Variants in MPPED2 observed in about 807,000 individuals in gnomAD.
MPPED2 encodes the protein metallophosphoesterase MPPED2.
Under a neutral mutation model 33.0 loss-of-function variants are expected in MPPED2, and 5 were observed. The ratio of observed to expected loss-of-function variants is 0.15; its 90% confidence interval spans 0.08 to 0.32. The LOEUF (loss-of-function observed/expected upper bound fraction) is 0.32. MPPED2 is among the 10% of genes least tolerant of loss of function. The pLI, the probability that MPPED2 is intolerant of heterozygous loss-of-function variation, is 1.00. For missense variants in MPPED2, 275 were observed against 372.1 expected (o/e 0.74, Z 2.15); for synonymous variants, 136 against 141.9 (o/e 0.96, Z 0.29).
intron 2 of MPPED2, among the ~76,000 whole-genome samples, chr11:30,547,513 A>G (rs150643131): frequency 6.2e-4 from 94 of 152,352 alleles, no homozygotes; most frequent in African/African-American, 2.0e-3. Context: ...CTTAAGGTCA[A>G]ACATTAAGCT....
intron 2 of MPPED2, among the ~76,000 whole-genome samples, chr11:30,552,784 C>G (rs1003008309): frequency 6.6e-6 from 1 of 152,130 alleles, no homozygotes; most frequent in Admixed American, 6.5e-5. Flanking sequence ...CTGTCAGGCC[C>G]AGACAAGATT....
intron 3 of MPPED2, 121 bp from the exon 4 acceptor site, chr11:30,495,642 A>G (rs1952216643): frequency 4.4e-6 from 3 of 680,202 alleles, no homozygotes; most frequent in East Asian, 5.4e-5. Context: ...ATTCCTTTAC[A>G]TTTCCATGTG....
chr11:30,419,908 A>G (rs1051933948), intron 4 of MPPED2, among the ~76,000 whole-genome samples: 2 of 152,210 alleles, frequency 1.3e-5, no homozygotes, highest in African/African-American at 2.4e-5. Flanking sequence ...CCTGAAGCCA[A>G]CTGAACTTTT....
chr11:30,433,916 G>C (rs1590245922), intron 4 of MPPED2, among the ~76,000 whole-genome samples: 1 of 152,250 alleles, frequency 6.6e-6, no homozygotes, highest in East Asian at 1.9e-4. Flanking sequence ...GGCAGGGCTG[G>C]TTTCTTTTGG....
At chr11:30,450,411 G>C (rs1490388566) in intron 4 of MPPED2, among the ~76,000 whole-genome samples, 3 of 152,174 alleles carry the variant, frequency 2.0e-5, no homozygotes, top group Non-Finnish European at 4.4e-5. Flanking sequence ...AGAGTAATTT[G>C]TATATATTAT....
At chr11:30,412,272 T>G (rs556054465) in intron 6 of MPPED2, among the ~76,000 whole-genome samples, 1 of 150,310 alleles carries the variant, frequency 6.7e-6, no homozygotes, top group South Asian at 2.1e-4. Context: ...ACTTCCCATA[T>G]GCAATATAAA....
In MPPED2 at chr11:30,536,049, G is replaced by A. The variant is rs201639888; in HGVS notation, c.255C>T (p.Gly85=). 41 of 1,613,292 alleles carry A rather than the reference G, an allele frequency of 2.5e-5. No homozygotes were observed. Among genetic ancestry groups the A allele is most frequent in the Non-Finnish European group, 3.3e-5 (39 of 1,179,672 alleles). The change falls in exon 3 of 7, where the codon GGC becomes GGT. Residue 85 remains glycine, a synonymous_variant. Coordinates refer to ENST00000358117, the MANE Select transcript of MPPED2 (RefSeq NM_001584.3). ...MPYGDILLHT[G]DFTELGLPSE... is the part of the protein sequence containing the mutation. ...AGGGCAGTCCCAGCTCGGTGAAATC[G>A]CCTGTGTGGAGAAGGATGTCCCCAT...
chr11:30,519,948 T>C lies in MPPED2; in HGVS notation c.310+16046A>G, dbSNP rs149351407. On this transcript the variant is annotated intron_variant, in intron 3 of 6. Transcript: ENST00000358117. ...CAGCAAGTGAAGAACTTCCTAACAT[T>C]GTTCTCAACATTTTACAGACAAATC... is the stretch of plus-strand genomic sequence containing the variant. Among the ~76,000 whole-genome samples, 4 of 152,304 alleles carry C rather than the reference T, an allele frequency of 2.6e-5. No individual in the cohort carries two copies. In the East Asian group the frequency reaches 7.7e-4, roughly 29 times the overall value.
intron 3 of MPPED2, among the ~76,000 whole-genome samples, chr11:30,512,552 C>T (rs780132837): frequency 2.0e-5 from 3 of 152,180 alleles, no homozygotes; most frequent in Non-Finnish European, 4.4e-5. Flanking sequence ...TTTTACCCCA[C>T]AACACCACAT....
chr11:30,537,044 C>T (rs182034844), intron 2 of MPPED2, among the ~76,000 whole-genome samples: 55 of 152,222 alleles, frequency 3.6e-4, no homozygotes, highest in African/African-American at 1.3e-3. Context: ...GCAAAATGAT[C>T]AACCCAAAGC....
At chr11:30,489,832 T>C (rs970167570) in intron 4 of MPPED2, among the ~76,000 whole-genome samples, 10 of 152,126 alleles carry the variant, frequency 6.6e-5, no homozygotes, top group African/African-American at 2.4e-4. Context: ...CGCTGAACAA[T>C]ACAACTGCTC....
Position 30,540,077 on chromosome 11 carries a change from G to T in MPPED2, c.129-3902C>A, listed in dbSNP as rs187385312. The stretch of plus-strand genomic sequence containing the variant: ...AGCTGAGCATGGTCCAAAGACTTTG[G>T]CCTGGAACCTGAAGACTAAGTAACA... On this transcript the variant is annotated intron_variant, in intron 2 of 6. Coordinates refer to ENST00000358117, the MANE Select transcript of MPPED2 (RefSeq NM_001584.3). Among the ~76,000 whole-genome samples the T allele has an allele frequency of 2.8e-3, 420 of 152,272 alleles. 2 individuals carry two copies. The highest frequency in any genetic ancestry group is 4.2e-3 in the Non-Finnish European group (285 of 68,022).
intron 4 of MPPED2, among the ~76,000 whole-genome samples, chr11:30,491,441 G>A (rs1210695720): frequency 6.6e-6 from 1 of 152,136 alleles, no homozygotes; most frequent in Non-Finnish European, 1.5e-5. Context: ...CTCACTCCTA[G>A]TCCCATAGTC....
chr11:30,566,278 A>G (rs1011660602), intron 2 of MPPED2, among the ~76,000 whole-genome samples: 8 of 152,222 alleles, frequency 5.3e-5, no homozygotes, highest in Non-Finnish European at 1.0e-4. Context: ...TTAAAACAAT[A>G]TACTTTCCGA....
chr11:30,542,476 A>T (rs1296178939), intron 2 of MPPED2, among the ~76,000 whole-genome samples: 21 of 150,066 alleles, frequency 1.4e-4, no homozygotes, highest in African/African-American at 5.1e-4. Context: ...AAAAAAAAAA[A>T]AAAAAAAGCC....
chr11:30,536,599 A>G (rs1954824971), intron 2 of MPPED2, among the ~76,000 whole-genome samples: 1 of 152,132 alleles, frequency 6.6e-6, no homozygotes, highest in Non-Finnish European at 1.5e-5. Context: ...AACATGCATA[A>G]CTTAAGCAAT....
chr11:30,585,547 G>C (rs1420667023), intron 1 of MPPED2, among the ~76,000 whole-genome samples: 2 of 152,082 alleles, frequency 1.3e-5, no homozygotes, highest in Non-Finnish European at 2.9e-5. Flanking sequence ...CATCACCCCG[G>C]GACTTTCTAG....
chr11:30,580,187 T>G, intron 2 of MPPED2, 59 bp downstream of exon 2: 1 of 422,082 alleles, frequency 2.4e-6, no homozygotes, highest in South Asian at 3.3e-5. Context: ...AATGCTTTTC[T>G]TTTTTTTCTT....
At chr11:30,419,872 T>C (rs1333032439) in intron 4 of MPPED2, among the ~76,000 whole-genome samples, 1 of 152,204 alleles carries the variant, frequency 6.6e-6, no homozygotes, top group Non-Finnish European at 1.5e-5. Flanking sequence ...TGTAATGATG[T>C]TGTTGAACAT....
Sources: gnomAD v4.1 joint callset for allele counts (sites outside exome capture counted in the v4.1 genomes callset) on GRCh38, gnomAD v4.1.1 for gene constraint, MANE v1.5 for transcripts, NCBI Gene and HGNC (gene_info 2026-07-23, HGNC 2026-07-21) for gene names.